The following ACACB variants were observed in gnomAD, a reference collection of about 807,000 sequenced individuals.
ACACB encodes acetyl-CoA carboxylase beta.
In ACACB, 209 loss-of-function variants were observed where a neutral mutation model predicts 278.8. That is an observed-to-expected ratio of 0.75 (90% CI 0.67 to 0.84). ACACB has a LOEUF of 0.84. Ranked by LOEUF, ACACB falls within the 40% of genes least tolerant of loss-of-function variation. The pLI is 0.00. For synonymous variants in ACACB, 1,174 were observed against 1,285.6 expected, an observed-to-expected ratio of 0.91 and a Z score of 1.86; for missense variants, 2,850 against 3,269.0, an observed-to-expected ratio of 0.87 and a Z score of 3.13.
intron 17 of ACACB, 29 bp from the exon 18 acceptor site, chr12:109,199,373 C>A (rs775434760): frequency 1.4e-6 from 2 of 1,429,204 alleles, no homozygotes; most frequent in East Asian, 2.7e-5. Flanking sequence ...CCTCATCAGT[C>A]TCCCTACCCG....
rs145460399 is a variant in ACACB, at chr12:109,249,996, G to A, written c.5682G>A (p.Thr1894=). Residue 1894 remains threonine (T), a synonymous_variant, in exon 41 of 53, where the codon ACG becomes ACA. Transcript: ENST00000338432. Reference sequence around the variant, plus strand: ...CTTGCTTTTGAAGATACATGATCACGGATATCATCGGGAAGGATGATGGCT... The same window carrying A: ...CTTGCTTTTGAAGATACATGATCACAGATATCATCGGGAAGGATGATGGCT... ...EEGGESRYMI[T]DIIGKDDGLG... The A allele has an allele frequency of 2.9e-4, 463 of 1,612,634 alleles. No individual in the cohort carries two copies. Among genetic ancestry groups the A allele is most frequent in the Middle Eastern group, 5.0e-4 (3 of 6,044 alleles).
At chr12:109,220,870 G>A (rs557090296) in intron 24 of ACACB, among the ~76,000 whole-genome samples, 1 of 152,008 alleles carries the variant, frequency 6.6e-6, no homozygotes, top group African/African-American at 2.4e-5. Context: ...AAATGTTTTT[G>A]TTATTATTAT....
At chr12:109,127,317 G>A (rs1392627172) in intron 1 of ACACB, among the ~76,000 whole-genome samples, 1 of 151,978 alleles carries the variant, frequency 6.6e-6, no homozygotes, top group Non-Finnish European at 1.5e-5. Flanking sequence ...TAAACAAGAT[G>A]CTTATAGTGG....
chr12:109,205,454 CTTT>C (rs112616443), intron 19 of ACACB, among the ~76,000 whole-genome samples: 1 of 143,100 alleles, frequency 7.0e-6, no homozygotes, highest in Admixed American at 7.0e-5. Context: ...CTCAAGTCAG[CTTT>C]TTTTTTTTTT....
At chr12:109,140,526 G>A (rs1437598124) in intron 2 of ACACB, among the ~76,000 whole-genome samples, 2 of 152,132 alleles carry the variant, frequency 1.3e-5, no homozygotes, top group Admixed American at 6.6e-5. Context: ...GCATGCAGGC[G>A]TGTGCCTGTA....
intron 1 of ACACB, among the ~76,000 whole-genome samples, chr12:109,132,863 G>T (rs116531401): frequency 0.013 from 2,014 of 152,318 alleles, 61 homozygotes; most frequent in African/African-American, 0.045. Context: ...TAAAGGATTT[G>T]CAGAGTGAGA....
At chr12:109,173,926 T>C (rs1445474359) in intron 6 of ACACB, among the ~76,000 whole-genome samples, 1 of 152,336 alleles carries the variant, frequency 6.6e-6, no homozygotes, top group Non-Finnish European at 1.5e-5. Flanking sequence ...TCCACATACG[T>C]TGAAAGTTGA....
chr12:109,216,659 TG>T lies in ACACB; in HGVS notation c.3394del (p.Asp1132IlefsTer3). ...GIRGYMKTVVLDLLRRYLRVE... is the reference protein window; with the variant it reads ...GIRGYMKTVVXDLLRRYLRVE... ...CGCGGCTATATGAAAACAGTGGTGT[TG>T]GATCTCCTGAGAAGATACTTGCGTG... On this transcript the variant is annotated frameshift_variant, in exon 23 of 53. Coordinates refer to ENST00000338432, the MANE Select transcript of ACACB (RefSeq NM_001093.4). LOFTEE classifies it high-confidence loss of function. 1 of 1,614,226 alleles carries T rather than the reference TG, an allele frequency of 6.2e-7. No individual in the cohort carries two copies. The highest frequency in any genetic ancestry group is 8.5e-7 in the Non-Finnish European group (1 of 1,180,042).
chr12:109,244,059 G>A (rs1028489664), intron 37 of ACACB, among the ~76,000 whole-genome samples: 1 of 152,200 alleles, frequency 6.6e-6, no homozygotes, highest in East Asian at 1.9e-4. Flanking sequence ...GCAGCCTACA[G>A]AATGGGAGAA....
At chr12:109,135,804 A>G (rs1354536260) in intron 1 of ACACB, among the ~76,000 whole-genome samples, 2 of 130,706 alleles carry the variant, frequency 1.5e-5, no homozygotes, top group Non-Finnish European at 3.2e-5. Flanking sequence ...TTAAAGAGGT[A>G]ATACTTTTTT....
chr12:109,253,617 A>AT (rs2047152350), intron 43 of ACACB, among the ~76,000 whole-genome samples: 1 of 152,218 alleles, frequency 6.6e-6, no homozygotes, highest in Non-Finnish European at 1.5e-5. Flanking sequence ...AAGTGAAGTG[A>AT]TATTTAAAGC....
intron 2 of ACACB, among the ~76,000 whole-genome samples, chr12:109,143,391 A>C (rs541853490): frequency 2.0e-5 from 3 of 146,554 alleles, no homozygotes; most frequent in Non-Finnish European, 4.5e-5. Context: ...TAAGCCCAGG[A>C]GGCAGAGGTT....
chr12:109,187,240 C>A (rs1464220307), intron 12 of ACACB, among the ~76,000 whole-genome samples: 3 of 152,094 alleles, frequency 2.0e-5, no homozygotes, highest in Non-Finnish European at 4.4e-5. Flanking sequence ...CCAGGATGCC[C>A]TGGATTTCTT....
intron 37 of ACACB, among the ~76,000 whole-genome samples, chr12:109,243,586 G>A (rs556404495): frequency 2.6e-4 from 40 of 152,166 alleles, no homozygotes; most frequent in African/African-American, 8.2e-4. Context: ...GTGACAGAGC[G>A]AGACTCTGTC....
At chr12:109,247,305 A>G (rs1284953216) in intron 39 of ACACB, among the ~76,000 whole-genome samples, 2 of 152,120 alleles carry the variant, frequency 1.3e-5, no homozygotes, top group African/African-American at 4.8e-5. Context: ...ACATATATAC[A>G]TATACAGAGT....
chr12:109,245,508 AAG>A, intron 37 of ACACB, 116 bp from the exon 38 acceptor site: 9 of 1,092,446 alleles, frequency 8.2e-6, no homozygotes, highest in Non-Finnish European at 1.0e-5. Context: ...ATGATTCAAA[AAG>A]AGAGAGTGAA....
chr12:109,251,350 C>T (rs765736216), intron 41 of ACACB, among the ~76,000 whole-genome samples: 11 of 152,214 alleles, frequency 7.2e-5, no homozygotes, highest in Admixed American at 6.5e-4. Flanking sequence ...ACTACCTACT[C>T]TAACAGCAGC....
Position 109,264,220 on chromosome 12 carries a change from G to T in ACACB, c.6788-12G>T. On this transcript the variant is annotated splice_polypyrimidine_tract_variant and intron_variant, in intron 49 of 52. Transcript: ENST00000338432. ...CTTCCATGGCTTGACTGGCCTTTCT[G>T]CTCACCTGCAGGGGAACCTGATCTC... 6.2e-7 allele frequency: 1 copy of T among 1,612,702 alleles called. No homozygotes were observed. Among genetic ancestry groups the T allele is most frequent in the Non-Finnish European group, 8.5e-7 (1 of 1,179,132 alleles).
intron 15 of ACACB, among the ~76,000 whole-genome samples, chr12:109,192,756 G>A (rs2044939603): frequency 6.6e-6 from 1 of 151,878 alleles, no homozygotes; most frequent in Non-Finnish European, 1.5e-5. Flanking sequence ...GGACTTCCTG[G>A]GCTCCAGTGA....
Sources: gnomAD v4.1 joint callset for allele counts (sites outside exome capture counted in the v4.1 genomes callset) on GRCh38, gnomAD v4.1.1 for gene constraint, MANE v1.5 for transcripts, NCBI Gene and HGNC (gene_info 2026-07-23, HGNC 2026-07-21) for gene names.